The following RAPGEF5 variants were observed in gnomAD, a reference collection of about 807,000 sequenced individuals.
The protein encoded by RAPGEF5 is M-Ras-regulated GEF.
In RAPGEF5, 65 loss-of-function variants were observed where a neutral mutation model predicts 125.2. The observed-to-expected ratio is 0.52, with a 90% CI of 0.43 to 0.64. RAPGEF5 has a LOEUF of 0.64. Among genes scored for constraint, RAPGEF5 ranks in the 30% least tolerant of loss-of-function variants. The pLI is 0.00. For missense variants in RAPGEF5, 958 were observed against 1,048.1 expected (o/e 0.91, Z 1.19); for synonymous variants, 391 against 385.9 (o/e 1.01, Z -0.16).
intron 1 of RAPGEF5, among the ~76,000 whole-genome samples, chr7:22,342,740 CAA>C (rs1784152446): frequency 6.6e-6 from 1 of 152,206 alleles, no homozygotes; most frequent in Non-Finnish European, 1.5e-5. Context: ...TAAAACATAA[CAA>C]GAGTCACCTT....
chr7:22,225,763 C>G (rs1481684953), intron 8 of RAPGEF5, among the ~76,000 whole-genome samples: 2 of 151,612 alleles, frequency 1.3e-5, no homozygotes, highest in African/African-American at 4.8e-5. Flanking sequence ...CACTGCTAAG[C>G]CAGAAAAAAA....
chr7:22,330,705 C>T (rs1179418123), intron 1 of RAPGEF5, among the ~76,000 whole-genome samples: 1 of 152,126 alleles, frequency 6.6e-6, no homozygotes, highest in African/African-American at 2.4e-5. Flanking sequence ...ACTCAGGAGT[C>T]CCCCGTATTT....
chr7:22,353,667 C>T (rs2128390130), intron 1 of RAPGEF5, among the ~76,000 whole-genome samples: 1 of 152,258 alleles, frequency 6.6e-6, no homozygotes, highest in South Asian at 2.1e-4. Context: ...TTGTGCATTA[C>T]TTTGCTACTG....
intron 6 of RAPGEF5, among the ~76,000 whole-genome samples, chr7:22,287,895 T>C (rs1455392890): frequency 6.6e-6 from 1 of 152,192 alleles, no homozygotes; most frequent in East Asian, 1.9e-4. Context: ...GGTCACATTG[T>C]TGGAAGAAAT....
chr7:22,193,861 G>T, intron 10 of RAPGEF5, 54 bp downstream of exon 10: 3 of 1,611,694 alleles, frequency 1.9e-6, no homozygotes, highest in Non-Finnish European at 2.5e-6. Flanking sequence ...GGGAAGGCAG[G>T]CAGGGAAAAG....
chr7:22,183,092 G>A (rs1049631641), intron 11 of RAPGEF5, among the ~76,000 whole-genome samples: 1 of 151,928 alleles, frequency 6.6e-6, no homozygotes, highest in Non-Finnish European at 1.5e-5. Flanking sequence ...GGCCAACATA[G>A]TGAAACCCTG....
chr7:22,268,709 C>T (rs538633909), intron 6 of RAPGEF5, among the ~76,000 whole-genome samples: 8 of 152,186 alleles, frequency 5.3e-5, no homozygotes, highest in Non-Finnish European at 1.0e-4. Context: ...AGGTGGATCA[C>T]TTAATTTGCT....
chr7:22,129,692 T>C (rs1162773271), intron 24 of RAPGEF5, among the ~76,000 whole-genome samples: 1 of 151,970 alleles, frequency 6.6e-6, no homozygotes, highest in Non-Finnish European at 1.5e-5. Context: ...TGAGCTCTGA[T>C]TCCAAAACAC....
chr7:22,299,794 T>G (rs1583560324), intron 5 of RAPGEF5, among the ~76,000 whole-genome samples: 1 of 141,028 alleles, frequency 7.1e-6, no homozygotes, highest in African/African-American at 2.6e-5. Context: ...CTCCCCCACC[T>G]TAAAGACTTT....
At chr7:22,269,103 A>G (rs1782354821) in intron 6 of RAPGEF5, among the ~76,000 whole-genome samples, 1 of 147,360 alleles carries the variant, frequency 6.8e-6, no homozygotes, top group Non-Finnish European at 1.5e-5. Flanking sequence ...CTGCCATGGG[A>G]GGATACGAGT....
intron 5 of RAPGEF5, among the ~76,000 whole-genome samples, chr7:22,305,027 C>G (rs1783303561): frequency 6.6e-6 from 1 of 152,070 alleles, no homozygotes; most frequent in South Asian, 2.1e-4. Context: ...GGAAGGGGTC[C>G]TAGAATGATC....
intron 7 of RAPGEF5, among the ~76,000 whole-genome samples, chr7:22,258,690 T>C (rs1192258687): frequency 8.4e-6 from 1 of 118,946 alleles, no homozygotes; most frequent in Non-Finnish European, 1.8e-5. Flanking sequence ...AGAGAGCCCA[T>C]AAATAGACCC....
chr7:22,145,967 C>CGTGTGTGTGT (rs71864981), intron 19 of RAPGEF5, among the ~76,000 whole-genome samples: 1 of 143,884 alleles, frequency 7.0e-6, no homozygotes, highest in African/African-American at 2.5e-5. Flanking sequence ...TGTTTGTGTG[C>CGTGTGTGTGT]GTGTGTGTGT....
At chr7:22,275,154 A>G (rs1295243744) in intron 6 of RAPGEF5, among the ~76,000 whole-genome samples, 4 of 152,070 alleles carry the variant, frequency 2.6e-5, no homozygotes, top group South Asian at 2.1e-4. Flanking sequence ...CTTAGGTACC[A>G]TCTTCTCCTG....
At chr7:22,355,431 T>A (rs1174601607) in intron 1 of RAPGEF5, among the ~76,000 whole-genome samples, 3 of 152,278 alleles carry the variant, frequency 2.0e-5, no homozygotes, top group African/African-American at 7.2e-5. Context: ...AATAGAAACA[T>A]AATTTGACCT....
At chr7:22,288,221 C>T (rs961397387) in intron 6 of RAPGEF5, among the ~76,000 whole-genome samples, 1 of 139,762 alleles carries the variant, frequency 7.2e-6, no homozygotes, top group Admixed American at 7.1e-5. Context: ...TACTGCCCTC[C>T]GCCTATGGCT....
chr7:22,341,586 G>C (rs905713248), intron 1 of RAPGEF5, among the ~76,000 whole-genome samples: 1 of 152,234 alleles, frequency 6.6e-6, no homozygotes, highest in East Asian at 1.9e-4. Flanking sequence ...AAGCAAGTTA[G>C]TTACTTCCTA....
intron 11 of RAPGEF5, among the ~76,000 whole-genome samples, chr7:22,178,736 T>C (rs1193761776): frequency 1.3e-5 from 2 of 152,176 alleles, no homozygotes; most frequent in African/African-American, 2.4e-5. Context: ...CTGAATTTCA[T>C]TGTTTAGAGT....
chr7:22,147,165 C>T, intron 18 of RAPGEF5, 146 bp from the exon 19 acceptor site: 1 of 1,044,910 alleles, frequency 9.6e-7, no homozygotes. Flanking sequence ...TGTTCACCTT[C>T]AGTGAGTTAC....
Sources: gnomAD v4.1 joint callset for allele counts (sites outside exome capture counted in the v4.1 genomes callset) on GRCh38, gnomAD v4.1.1 for gene constraint, MANE v1.5 for transcripts, NCBI Gene and HGNC (gene_info 2026-07-23, HGNC 2026-07-21) for gene names.